MICU3: variants seen among roughly 807,000 people sequenced by gnomAD.
MICU3 encodes the protein mitochondrial calcium uptake 3.
MICU3 carries 62 observed loss-of-function variants against 66.5 expected under a neutral mutation model. The observed-to-expected ratio is 0.93, with a 90% CI of 0.76 to 1.15. The LOEUF is 1.15. Ranked by LOEUF, MICU3 falls within the 50% of genes most tolerant of loss-of-function variation. MICU3 has a pLI of 0.00. For missense variants in MICU3, 779 were observed against 664.4 expected (o/e 1.17, Z -1.90); for synonymous variants, 308 against 240.7 (o/e 1.28, Z -2.59).
At chr8:17,122,905 A>G (rs1231270338), downstream of MICU3, among the ~76,000 whole-genome samples, 1 of 152,068 alleles carries the variant, frequency 6.6e-6, no homozygotes, top group African/African-American at 2.4e-5. Flanking sequence ...CTTTTCAGAA[A>G]GTTTATATGT....
At chr8:17,048,521 C>T (rs1027252402) in intron 1 of MICU3, among the ~76,000 whole-genome samples, 1 of 152,194 alleles carries the variant, frequency 6.6e-6, no homozygotes, top group Non-Finnish European at 1.5e-5. Context: ...TCAGTTACCT[C>T]CCCTTGGGTC....
chr8:17,027,807 C>CA (rs1385440019), intron 1 of MICU3, 147 bp downstream of exon 1: 2 of 1,056,688 alleles, frequency 1.9e-6, no homozygotes, highest in African/African-American at 3.3e-5. Context: ...CTAGGCCGGA[C>CA]AGCCTAGGAT....
chr8:17,059,528 A>G (rs895962285), intron 1 of MICU3, among the ~76,000 whole-genome samples: 1 of 152,184 alleles, frequency 6.6e-6, no homozygotes, highest in African/African-American at 2.4e-5. Context: ...GGCAACGAAA[A>G]TGAGATATAA....
In MICU3 at chr8:17,120,779, T is replaced by C. The variant is rs893129612; in HGVS notation, c.*492T>C. On this transcript the variant is annotated 3_prime_UTR_variant, in exon 15 of 15. Transcript: ENST00000318063. ...TACCCTTAGAATTAAATTCCTGTTA[T>C]TTGCCCAGTTTTTAATTACACTGAG... 3.3e-5 allele frequency: 5 copies of C among 152,420 alleles called. No individual in the cohort carries two copies. The highest frequency in any genetic ancestry group is 1.2e-4 in the African/African-American group (5 of 41,432). 9.4% of individuals were successfully genotyped at this position (152,420 alleles called of 1,614,324 possible).
intron 1 of MICU3, among the ~76,000 whole-genome samples, chr8:17,039,609 A>T (rs544892156): frequency 3.3e-5 from 5 of 152,158 alleles, no homozygotes; most frequent in African/African-American, 1.2e-4. Context: ...ATAATGCTAT[A>T]TATAGGATTA....
At position 17,086,083 on chromosome 8, in the gene MICU3, A is replaced by G. The variant is rs191043700; in HGVS notation, c.777+765A>G. ...CTTTACCTACACTCTCCGAGTAAAA[A>G]GAAAGGGAAATCAACAGCCATTTTC... On this transcript the variant is annotated intron_variant, in intron 6 of 14. Transcript: ENST00000318063. Among the ~76,000 whole-genome samples, 3 of 152,186 alleles carry G rather than the reference A, an allele frequency of 2.0e-5. No homozygotes were observed. In the East Asian group the frequency reaches 5.8e-4, roughly 29 times the overall value.
Position 17,122,395 on chromosome 8 carries a change from G to A in MICU3, c.*2108G>A, listed in dbSNP as rs1803257632. 1 of 151,766 alleles carries A rather than the reference G, an allele frequency of 6.6e-6. No individual in the cohort carries two copies. Among genetic ancestry groups the A allele is most frequent in the African/African-American group, 2.4e-5 (1 of 41,404 alleles). 9.4% of individuals were successfully genotyped at this position (151,766 alleles called of 1,614,324 possible). A position where few individuals can be genotyped will look rare whatever the true frequency, so the allele number is the denominator to read the frequency against. ...ATAATGTACTGACTACATGTATGCT[G>A]TTATTGTCAGTGTTTCCTTCTATAA... On this transcript the variant is annotated 3_prime_UTR_variant, in exon 15 of 15. Coordinates refer to ENST00000318063, the MANE Select transcript of MICU3 (RefSeq NM_181723.3).
intron 9 of MICU3, 52 bp downstream of exon 9, chr8:17,098,605 T>C: frequency 8.5e-7 from 1 of 1,175,926 alleles, no homozygotes; most frequent in Non-Finnish European, 1.3e-6. Flanking sequence ...CTTGTTAATC[T>C]AGTCGTCATT....
intron 3 of MICU3, among the ~76,000 whole-genome samples, chr8:17,074,867 A>G (rs1032769105): frequency 1.3e-5 from 2 of 151,996 alleles, no homozygotes; most frequent in Non-Finnish European, 2.9e-5. Flanking sequence ...TCTACCTACA[A>G]TTTAATTCTG....
downstream of MICU3, among the ~76,000 whole-genome samples, chr8:17,124,518 G>A (rs1803354884): frequency 6.6e-6 from 1 of 152,000 alleles, no homozygotes; most frequent in Admixed American, 6.6e-5. Flanking sequence ...ATCTAGAATG[G>A]TTGTCCTCTA....
chr8:17,098,354 C>G (rs781000412), intron 8 of MICU3, 104 bp from the exon 9 acceptor site: 54 of 813,238 alleles, frequency 6.6e-5, no homozygotes, highest in Non-Finnish European at 1.1e-4. Context: ...AAAAGGTAAG[C>G]TAATGTGTTT....
intron 1 of MICU3, among the ~76,000 whole-genome samples, chr8:17,050,324 T>C (rs1815846518): frequency 6.6e-6 from 1 of 151,632 alleles, no homozygotes; most frequent in Admixed American, 6.6e-5. Context: ...TGTATATATT[T>C]TATTTAATAT....
chr8:17,104,186 CCATT>C (rs1302559461), intron 9 of MICU3, among the ~76,000 whole-genome samples: 1 of 151,796 alleles, frequency 6.6e-6, no homozygotes, highest in African/African-American at 2.4e-5. Flanking sequence ...ATGATCAGTT[CCATT>C]CAAAGTTCTA....
intron 1 of MICU3, among the ~76,000 whole-genome samples, chr8:17,042,080 G>C (rs1180654246): frequency 6.6e-6 from 1 of 152,144 alleles, no homozygotes; most frequent in African/African-American, 2.4e-5. Flanking sequence ...CTCATGAAAT[G>C]CAGTTTTTTC....
chr8:17,110,409 G>A (rs1030479387), intron 11 of MICU3, among the ~76,000 whole-genome samples: 2 of 151,902 alleles, frequency 1.3e-5, no homozygotes, highest in Non-Finnish European at 2.9e-5. Flanking sequence ...CTATGATGCA[G>A]TCCCTTCCCG....
At position 17,105,436 on chromosome 8, in the gene MICU3, A is replaced by G; in HGVS notation, c.1109A>G (p.Glu370Gly). 6.4e-6 allele frequency: 10 copies of G among 1,556,222 alleles called. No homozygotes were observed. The highest frequency in any genetic ancestry group is 8.7e-6 in the Non-Finnish European group (10 of 1,146,388). ...AGATTCATGGATAATCTCCAAACAGAAGTTCTAGAAATAGAATTCCTTTCC... is the reference window on the plus strand; with the variant it reads ...AGATTCATGGATAATCTCCAAACAGGAGTTCTAGAAATAGAATTCCTTTCC... ...FYRFMDNLQT[E>G]VLEIEFLSYS... The change falls in exon 11 of 15, where the codon GAA (glutamate) becomes GGA (glycine). Residue 370 changes from glutamate to glycine, a missense_variant. Glu to Gly is a moderately conservative substitution (Grantham distance 98). Transcript: ENST00000318063.
the MICU3 span, among the ~76,000 whole-genome samples, chr8:17,128,868 A>G: frequency 1.3e-5 from 2 of 152,186 alleles, no homozygotes; most frequent in Admixed American, 6.5e-5. Context: ...CTGTGCAGAA[A>G]AGAAGCACCA....
chr8:17,113,981 A>G, intron 11 of MICU3, 112 bp from the exon 12 acceptor site: 1 of 600,264 alleles, frequency 1.7e-6, no homozygotes, highest in Non-Finnish European at 2.8e-6. Flanking sequence ...GGAAATGTTT[A>G]CTTACAAGAT....
At chr8:17,046,297 C>A (rs1215070064) in intron 1 of MICU3, among the ~76,000 whole-genome samples, 1 of 152,120 alleles carries the variant, frequency 6.6e-6, no homozygotes, top group Non-Finnish European at 1.5e-5. Context: ...GTGGCTGCTG[C>A]AGAACTGATT....
Sources: allele counts gnomAD v4.1 joint callset (sites outside exome capture counted in the v4.1 genomes callset), GRCh38; gene constraint gnomAD v4.1.1; transcripts MANE v1.5; gene names NCBI Gene and HGNC (gene_info 2026-07-23, HGNC 2026-07-21).